RBM19: variants seen among roughly 807,000 people sequenced by gnomAD.
RBM19 encodes the protein probable RNA-binding protein 19.
In RBM19, 94 loss-of-function variants were observed where a neutral mutation model predicts 116.8. The ratio of observed to expected loss-of-function variants is 0.80; its 90% CI spans 0.68 to 0.95. RBM19 has a LOEUF of 0.95. RBM19 is among the 40% of genes least tolerant of loss of function. The pLI is 0.00. For synonymous variants in RBM19, 475 were observed against 494.1 expected, an observed-to-expected ratio of 0.96 and a Z score of 0.51; for missense variants, 1,161 against 1,220.7, an observed-to-expected ratio of 0.95 and a Z score of 0.73.
chr12:113,859,397 C>T (rs1593494182), intron 21 of RBM19, among the ~76,000 whole-genome samples: 1 of 152,198 alleles, frequency 6.6e-6, no homozygotes, highest in Non-Finnish European at 1.5e-5. Context: ...GGGATGGGGC[C>T]CTTTCTCCTG....
chr12:113,911,561 T>A (rs1882429124), intron 21 of RBM19, among the ~76,000 whole-genome samples: 1 of 152,180 alleles, frequency 6.6e-6, no homozygotes, highest in South Asian at 2.1e-4. Flanking sequence ...ATTTATTAAC[T>A]ACCTGTTACT....
intron 10 of RBM19, among the ~76,000 whole-genome samples, 153 bp from the exon 11 acceptor site, chr12:113,947,617 G>T (rs1871144727): frequency 6.6e-6 from 1 of 152,112 alleles, no homozygotes; most frequent in African/African-American, 2.4e-5. Context: ...AACAATACCT[G>T]GGCTGGAGCC....
chr12:113,947,510 G>A (rs770705116), intron 10 of RBM19, 46 bp from the exon 11 acceptor site: 5 of 1,551,782 alleles, frequency 3.2e-6, no homozygotes, highest in East Asian at 2.3e-5. Context: ...GCAGCCACTT[G>A]GCCCCAGGGA....
At chr12:113,962,604 T>C (rs1414241204) in intron 1 of RBM19, among the ~76,000 whole-genome samples, 190 bp from the exon 2 acceptor site, 1 of 152,172 alleles carries the variant, frequency 6.6e-6, no homozygotes, top group Admixed American at 6.5e-5. Context: ...CTTGAGAAAG[T>C]CCCTTAACCA....
intron 2 of RBM19, among the ~76,000 whole-genome samples, chr12:113,960,733 T>C (rs1002676824): frequency 3.3e-5 from 5 of 152,122 alleles, no homozygotes; most frequent in Non-Finnish European, 5.9e-5. Context: ...GCTACCACAG[T>C]TACCCCACAC....
At chr12:113,863,366 C>A (rs1565982959) in intron 21 of RBM19, among the ~76,000 whole-genome samples, 2 of 152,132 alleles carry the variant, frequency 1.3e-5, no homozygotes, top group Non-Finnish European at 2.9e-5. Flanking sequence ...TCTCTCTCTC[C>A]CTCCCTGACT....
chr12:113,851,654 A>G (rs1006244962), intron 22 of RBM19, among the ~76,000 whole-genome samples: 1 of 151,474 alleles, frequency 6.6e-6, no homozygotes, highest in Non-Finnish European at 1.5e-5. Context: ...TAAGACAGCA[A>G]CTCTTCCTTT....
intron 23 of RBM19, among the ~76,000 whole-genome samples, chr12:113,836,085 G>A (rs11611960): frequency 0.15 from 22,391 of 152,200 alleles, 1,891 homozygotes; most frequent in Admixed American, 0.27. Context: ...AGCCAGCGGC[G>A]GACTTTCCTC....
intron 14 of RBM19, 89 bp downstream of exon 14, chr12:113,942,235 A>C: frequency 9.0e-7 from 1 of 1,106,448 alleles, no homozygotes; most frequent in Non-Finnish European, 1.3e-6. Context: ...AGAAGGCCAG[A>C]TCCTTAAATC....
chr12:113,856,099 T>C (rs574934140), intron 22 of RBM19, among the ~76,000 whole-genome samples: 13 of 152,196 alleles, frequency 8.5e-5, no homozygotes, highest in South Asian at 2.1e-4. Context: ...GGGCCAGAAA[T>C]AGCCACCTGA....
At chr12:113,942,231 C>T (rs1870633531) in intron 14 of RBM19, 93 bp downstream of exon 14, 4 of 1,066,212 alleles carry the variant, frequency 3.8e-6, no homozygotes, top group African/African-American at 3.2e-5. Context: ...CCTTAGAAGG[C>T]CAGATCCTTA....
chr12:113,936,919 C>A, intron 16 of RBM19, 88 bp downstream of exon 16: 1 of 1,511,624 alleles, frequency 6.6e-7, no homozygotes, highest in Non-Finnish European at 8.9e-7. Flanking sequence ...AAACCAGAGG[C>A]TTGATAAGAA....
intron 23 of RBM19, among the ~76,000 whole-genome samples, chr12:113,834,760 TATAGAC>T (rs1875729504): frequency 6.6e-6 from 1 of 152,146 alleles, no homozygotes; most frequent in East Asian, 1.9e-4. Context: ...AACACCCAGG[TATAGAC>T]ATTAACTACA....
chr12:113,819,140 C>T (rs4767134), downstream of RBM19, among the ~76,000 whole-genome samples: 17,597 of 152,196 alleles, frequency 0.12, 1,546 homozygotes, highest in East Asian at 0.45. Flanking sequence ...GGGTGGGAGA[C>T]GGACGTGAGG....
At chr12:113,954,581 T>A (rs911510962) in intron 7 of RBM19, among the ~76,000 whole-genome samples, 4 of 152,226 alleles carry the variant, frequency 2.6e-5, no homozygotes, top group Admixed American at 1.3e-4. Context: ...AGGCAATTTT[T>A]AAATATTTTT....
At chr12:113,844,085 C>T (rs577821212) in intron 23 of RBM19, among the ~76,000 whole-genome samples, 143 of 152,332 alleles carry the variant, frequency 9.4e-4, no homozygotes, top group Admixed American at 1.7e-3. Flanking sequence ...GAGGTCACAG[C>T]GGGCGCTCAG....
chr12:113,831,233 G>T (rs1425294604), intron 23 of RBM19, among the ~76,000 whole-genome samples: 1 of 150,842 alleles, frequency 6.6e-6, no homozygotes, highest in African/African-American at 2.4e-5. Context: ...AATTTCAGCC[G>T]ACAACTTGCC....
intron 10 of RBM19, among the ~76,000 whole-genome samples, chr12:113,947,757 A>G (rs557456541): frequency 6.6e-6 from 1 of 152,238 alleles, no homozygotes; most frequent in African/African-American, 2.4e-5. Flanking sequence ...TCATGCGTGC[A>G]TAGTGCACTA....
chr12:113,879,644 A>G (rs1879966082), intron 21 of RBM19, among the ~76,000 whole-genome samples: 1 of 151,758 alleles, frequency 6.6e-6, no homozygotes, highest in African/African-American at 2.4e-5. Context: ...CTAAGAGCTT[A>G]GTGCATACAA....
Sources: allele counts gnomAD v4.1 joint callset (sites outside exome capture counted in the v4.1 genomes callset), GRCh38; gene constraint gnomAD v4.1.1; transcripts MANE v1.5; gene names NCBI Gene and HGNC (gene_info 2026-07-23, HGNC 2026-07-21).